Variants in GULP1 observed in about 807,000 individuals in gnomAD.
GULP1 encodes PTB domain-containing engulfment adapter protein 1.
In GULP1, 19 loss-of-function variants were observed where a neutral mutation model predicts 40.9. The observed-to-expected ratio is 0.46, with a 90% confidence interval of 0.32 to 0.68. GULP1 has a LOEUF of 0.68. Among genes scored for constraint, GULP1 ranks in the 30% least tolerant of loss-of-function variants. The pLI, the probability that GULP1 is intolerant of heterozygous loss-of-function variation, is 0.03. For synonymous variants in GULP1, 119 were observed against 117.6 expected (o/e 1.01, Z -0.08); for missense variants, 312 against 362.2 (o/e 0.86, Z 1.12).
chr2:188,431,763 C>T lies in GULP1; in HGVS notation c.-44-45896C>T, dbSNP rs184338378. On this transcript the variant is annotated intron_variant, in intron 2 of 11. Transcript: ENST00000409830. ...GTAGATATCCATCTGCCTTAACTAA[C>T]CAGTCATTTATGTTAGGACAGAAAT... 1.3e-3 allele frequency among the ~76,000 whole-genome samples: 194 copies of T among 152,046 alleles called. 1 individual carries two copies. Among genetic ancestry groups the T allele is most frequent in the African/African-American group, 3.9e-3 (161 of 41,522 alleles).
chr2:188,354,371 G>A (rs115360124), intron 1 of GULP1, among the ~76,000 whole-genome samples: 4 of 152,256 alleles, frequency 2.6e-5, no homozygotes, highest in African/African-American at 9.6e-5. Flanking sequence ...TTTGCACCTG[G>A]GGAGCAGGGT....
intron 1 of GULP1, among the ~76,000 whole-genome samples, chr2:188,360,271 A>C (rs2045913727): frequency 6.6e-6 from 1 of 152,100 alleles, no homozygotes; most frequent in Admixed American, 6.6e-5. Flanking sequence ...AACTGCTAAT[A>C]ATTTTCAAGC....
At chr2:188,482,283 A>G (rs1420826823) in intron 3 of GULP1, among the ~76,000 whole-genome samples, 7 of 151,984 alleles carry the variant, frequency 4.6e-5, no homozygotes, top group African/African-American at 1.7e-4. Flanking sequence ...ACATTAACCC[A>G]GTTTAAGAAG....
chr2:188,502,518 A>G (rs2063529191), intron 4 of GULP1, among the ~76,000 whole-genome samples: 1 of 151,886 alleles, frequency 6.6e-6, no homozygotes, highest in African/African-American at 2.4e-5. Context: ...AAAGGTTAAA[A>G]TTGTCTTCTT....
chr2:188,395,236 T>A (rs2051076971), intron 2 of GULP1, among the ~76,000 whole-genome samples: 1 of 152,206 alleles, frequency 6.6e-6, no homozygotes, highest in African/African-American at 2.4e-5. Flanking sequence ...GTTACACTAC[T>A]GACTCAGTAT....
At chr2:188,524,224 T>C (rs924194540) in intron 5 of GULP1, among the ~76,000 whole-genome samples, 2 of 152,124 alleles carry the variant, frequency 1.3e-5, no homozygotes, top group Non-Finnish European at 2.9e-5. Context: ...CCAAAAAAAA[T>C]TCAATTGAAT....
intron 6 of GULP1, among the ~76,000 whole-genome samples, chr2:188,538,278 C>T (rs1026249924): frequency 2.6e-5 from 4 of 151,928 alleles, no homozygotes; most frequent in African/African-American, 9.7e-5. Flanking sequence ...TATTAGATTG[C>T]TAACTAGTGA....
chr2:188,416,968 A>C (rs983381793), intron 2 of GULP1, among the ~76,000 whole-genome samples: 1 of 152,198 alleles, frequency 6.6e-6, no homozygotes, highest in Non-Finnish European at 1.5e-5. Context: ...TTTTTGAAAA[A>C]ATTTTAGATA....
At chr2:188,358,495 C>A (rs773715238) in intron 1 of GULP1, among the ~76,000 whole-genome samples, 3 of 152,070 alleles carry the variant, frequency 2.0e-5, no homozygotes. Flanking sequence ...GGATACTGAA[C>A]GTTACCAACA....
At chr2:188,468,611 T>C (rs1339802540) in intron 2 of GULP1, among the ~76,000 whole-genome samples, 2 of 152,148 alleles carry the variant, frequency 1.3e-5, no homozygotes, top group Non-Finnish European at 2.9e-5. Context: ...GAACAGTTTT[T>C]ATAGTGAAAT....
intron 1 of GULP1, among the ~76,000 whole-genome samples, chr2:188,360,869 C>T (rs2045979435): frequency 6.6e-5 from 10 of 151,970 alleles, no homozygotes; most frequent in Admixed American, 6.6e-4. Context: ...GCCCAAATAA[C>T]AGTCTTGATT....
chr2:188,352,655 T>C (rs1454593230), intron 1 of GULP1, among the ~76,000 whole-genome samples: 1 of 47,372 alleles, frequency 2.1e-5, no homozygotes. Context: ...CACACGGTTC[T>C]GTTTCTTGGA....
chr2:188,333,012 T>C (rs907793799), intron 1 of GULP1, among the ~76,000 whole-genome samples: 7 of 152,022 alleles, frequency 4.6e-5, no homozygotes, highest in African/African-American at 1.7e-4. Context: ...TGGGAGGACA[T>C]GGCTGGCGGA....
At chr2:188,330,397 T>C (rs2152039165) in intron 1 of GULP1, among the ~76,000 whole-genome samples, 1 of 152,290 alleles carries the variant, frequency 6.6e-6, no homozygotes, top group Admixed American at 6.5e-5. Context: ...TGGTGGGCAC[T>C]TTTAAATGTC....
intron 1 of GULP1, among the ~76,000 whole-genome samples, chr2:188,315,190 C>T (rs978116726): frequency 6.6e-6 from 1 of 152,100 alleles, no homozygotes; most frequent in Non-Finnish European, 1.5e-5. Flanking sequence ...GAAACTCAGG[C>T]TAGTTTTGCC....
At chr2:188,396,119 G>A (rs1019595483) in intron 2 of GULP1, among the ~76,000 whole-genome samples, 5 of 152,180 alleles carry the variant, frequency 3.3e-5, no homozygotes, top group African/African-American at 7.2e-5. Flanking sequence ...AGGAGGTGGC[G>A]CTTGCAGAAG....
chr2:188,475,365 CA>C (rs201057023), intron 2 of GULP1, among the ~76,000 whole-genome samples: 1,827 of 152,022 alleles, frequency 0.012, 15 homozygotes, highest in East Asian at 0.022. Flanking sequence ...ATGTTTGCTC[CA>C]ATGAACTTTA....
chr2:188,352,292 T>G (rs921203208), intron 1 of GULP1, among the ~76,000 whole-genome samples: 2 of 152,126 alleles, frequency 1.3e-5, no homozygotes, highest in Admixed American at 6.6e-5. Flanking sequence ...ACAAAAAGGT[T>G]GAGTGAGATG....
At position 188,296,563 on chromosome 2, in the gene GULP1, G is replaced by A. The variant is rs187554598; in HGVS notation, c.-172+4397G>A. 2.0e-3 allele frequency among the ~76,000 whole-genome samples: 235 copies of A among 119,806 alleles called. 1 individual carries two copies. The highest frequency in any genetic ancestry group is 3.0e-3 in the Non-Finnish European group (177 of 58,744). The allele number at this position is 119,806 out of a possible 152,430, so 78.6% of individuals were successfully genotyped here. A position where few individuals can be genotyped will look rare whatever the true frequency, so the allele number is the denominator to read the frequency against. ...AATTTGAAATTAGTTTTGTCTTTCAGTGTAGTATACTTAAAAATAGTTTTG... is the reference window on the plus strand; with the variant it reads ...AATTTGAAATTAGTTTTGTCTTTCAATGTAGTATACTTAAAAATAGTTTTG... On this transcript the variant is annotated intron_variant, in intron 1 of 11. Transcript: ENST00000409830.
Sources: gnomAD v4.1 joint callset for allele counts (sites outside exome capture counted in the v4.1 genomes callset) on GRCh38, gnomAD v4.1.1 for gene constraint, MANE v1.5 for transcripts, NCBI Gene and HGNC (gene_info 2026-07-23, HGNC 2026-07-21) for gene names.